Variants in COL26A1 observed in about 807,000 individuals in gnomAD.
COL26A1 encodes collagen alpha-1(XXVI) chain.
Under a neutral mutation model 59.3 loss-of-function variants are expected in COL26A1, and 41 were observed. That is an observed-to-expected ratio of 0.69 (90% CI 0.54 to 0.90). The LOEUF is 0.90. COL26A1 is among the 40% of genes least tolerant of loss of function. The probability of loss-of-function intolerance (pLI) is 0.00; values close to 1 mark genes in which losing one functional copy is unlikely to be tolerated. For missense variants in COL26A1, 612 were observed against 602.3 expected (o/e 1.02, Z -0.17); for synonymous variants, 266 against 256.0 (o/e 1.04, Z -0.37).
chr7:101,525,527 C>T (rs1795226586), intron 3 of COL26A1, among the ~76,000 whole-genome samples: 1 of 124,372 alleles, frequency 8.0e-6, no homozygotes, highest in Non-Finnish European at 1.7e-5. Flanking sequence ...GATGGAGTCT[C>T]TCTCTGTCAC....
At position 101,557,370 on chromosome 7, in the gene COL26A1, A is replaced by G. The variant is rs373219036; in HGVS notation, c.1166A>G (p.Asp389Gly). Reference protein sequence around the residue: ...LILEHMIGIHDPLASPEGGSG... With the variant: ...LILEHMIGIHGPLASPEGGSG... Reference sequence around the variant, plus strand: ...GTCCACCCTCCTGCTCTCCTTCCAGATCCCCTGGCCTCCCCAGAGGGAGGT... The same window carrying G: ...GTCCACCCTCCTGCTCTCCTTCCAGGTCCCCTGGCCTCCCCAGAGGGAGGT... Residue 389 changes from aspartate to glycine, a missense_variant and splice_region_variant, in exon 13 of 13, where the codon GAT (aspartate) becomes GGT (glycine). Transcript: ENST00000313669. 1.9e-6 allele frequency: 3 copies of G among 1,611,632 alleles called. No individual in the cohort carries two copies. Among genetic ancestry groups the G allele is most frequent in the Non-Finnish European group, 1.7e-6 (2 of 1,178,220 alleles).
intron 3 of COL26A1, among the ~76,000 whole-genome samples, chr7:101,459,480 T>TTTTC (rs1238323418): frequency 2.7e-5 from 4 of 150,538 alleles, no homozygotes; most frequent in Non-Finnish European, 5.9e-5. Context: ...TTTTTTTTTT[T>TTTTC]TGTATTTTTA....
chr7:101,393,004 T>C (rs1330532998), intron 1 of COL26A1, among the ~76,000 whole-genome samples: 1 of 96,936 alleles, frequency 1.0e-5, no homozygotes, highest in African/African-American at 3.4e-5. Flanking sequence ...AAATGTTTTT[T>C]TGTTTTTTTT....
chr7:101,550,995 C>A, intron 9 of COL26A1, 113 bp from the exon 10 acceptor site: 1 of 1,231,288 alleles, frequency 8.1e-7, no homozygotes, highest in Non-Finnish European at 1.2e-6. Context: ...TCCTCCTCTC[C>A]CTTCCTCTTC....
chr7:101,463,691 T>C (rs1793674460), intron 3 of COL26A1, among the ~76,000 whole-genome samples: 1 of 87,158 alleles, frequency 1.1e-5, no homozygotes, highest in Non-Finnish European at 2.3e-5. Context: ...TCCCCTTTCT[T>C]TCTTTTTCTC....
chr7:101,366,285 G>A (rs1282540141), intron 1 of COL26A1, among the ~76,000 whole-genome samples: 3 of 152,136 alleles, frequency 2.0e-5, no homozygotes, highest in Admixed American at 1.3e-4. Flanking sequence ...TCTATCACAA[G>A]TGTCCCTTGT....
At chr7:101,549,289 A>C in intron 9 of COL26A1, 66 bp downstream of exon 9, 1 of 1,102,736 alleles carries the variant, frequency 9.1e-7, no homozygotes. Context: ...TTGTCTCCCT[A>C]GGGGAGAAGA....
chr7:101,481,431 A>G (rs1794151925), intron 3 of COL26A1, among the ~76,000 whole-genome samples: 1 of 140,132 alleles, frequency 7.1e-6, no homozygotes, highest in East Asian at 2.0e-4. Context: ...ATATATAATT[A>G]TATAGAATCT....
chr7:101,449,786 A>G (rs1391276169), intron 3 of COL26A1, among the ~76,000 whole-genome samples: 1 of 152,172 alleles, frequency 6.6e-6, no homozygotes, highest in Non-Finnish European at 1.5e-5. Context: ...CAGAGAATGT[A>G]TTAAAAACTA....
chr7:101,539,098 C>A (rs1026712004), intron 4 of COL26A1, among the ~76,000 whole-genome samples: 2 of 152,238 alleles, frequency 1.3e-5, no homozygotes, highest in African/African-American at 4.8e-5. Context: ...GGGTCTCAGC[C>A]ACCTTTGACT....
intron 3 of COL26A1, among the ~76,000 whole-genome samples, chr7:101,518,934 C>T (rs796636665): frequency 2.0e-5 from 3 of 152,280 alleles, no homozygotes; most frequent in African/African-American, 7.2e-5. Flanking sequence ...AACGGAGGGC[C>T]AAGAAGTACT....
chr7:101,387,189 G>T (rs552276077), intron 1 of COL26A1, among the ~76,000 whole-genome samples: 23 of 152,102 alleles, frequency 1.5e-4, no homozygotes, highest in Non-Finnish European at 2.9e-4. Context: ...CTTTCTTTCC[G>T]CTGGACCCGA....
At chr7:101,408,070 T>C (rs1164410101) in intron 1 of COL26A1, among the ~76,000 whole-genome samples, 1 of 152,202 alleles carries the variant, frequency 6.6e-6, no homozygotes. Flanking sequence ...TACCACTGGC[T>C]TGCCCTTGAA....
At chr7:101,551,190 G>T in intron 10 of COL26A1, 47 bp downstream of exon 10, 2 of 1,365,088 alleles carry the variant, frequency 1.5e-6, no homozygotes, top group Non-Finnish European at 2.0e-6. Context: ...CCAGGCAGAG[G>T]CTCTGATGCA....
chr7:101,543,768 A>G (rs185742301), intron 5 of COL26A1, among the ~76,000 whole-genome samples: 1 of 152,332 alleles, frequency 6.6e-6, no homozygotes, highest in East Asian at 1.9e-4. Flanking sequence ...CACATTGAAA[A>G]TGGGAACGAA....
rs12056194 is a variant in COL26A1, at chr7:101,489,688, T to C, written c.385+41901T>C. Among the ~76,000 whole-genome samples the C allele has an allele frequency of 5.2e-4, 7 of 13,404 alleles. 1 individual carries two copies. The highest frequency in any genetic ancestry group is 1.7e-3 in the East Asian group (1 of 602). The allele number at this position is 13,404 out of a possible 152,430, so 8.8% of individuals were successfully genotyped here. A position where few individuals can be genotyped will look rare whatever the true frequency, so the allele number is the denominator to read the frequency against. On this transcript the variant is annotated intron_variant, in intron 3 of 12. Coordinates refer to ENST00000313669, the MANE Select transcript of COL26A1 (RefSeq NM_001278563.3). ...TCCTTCCTTCCTTCCTTCCTTTCTT[T>C]CTTTCTTTCTGTCTTTCTTTCTTTC...
At chr7:101,552,830 A>C (rs1795887851) in intron 10 of COL26A1, among the ~76,000 whole-genome samples, 1 of 152,106 alleles carries the variant, frequency 6.6e-6, no homozygotes, top group Non-Finnish European at 1.5e-5. Context: ...TCGCTTGAAC[A>C]CAGGAGGCAG....
chr7:101,447,609 C>T, intron 2 of COL26A1, 75 bp from the exon 3 acceptor site: 3 of 1,041,264 alleles, frequency 2.9e-6, no homozygotes, highest in Non-Finnish European at 4.3e-6. Context: ...AACAGCCTGG[C>T]CCATCTTTGC....
intron 1 of COL26A1, among the ~76,000 whole-genome samples, chr7:101,391,716 G>A (rs571776539): frequency 1.1e-4 from 16 of 152,116 alleles, no homozygotes; most frequent in Non-Finnish European, 1.9e-4. Flanking sequence ...CACCACGCCC[G>A]GCTAATTTTT....
Sources: allele counts gnomAD v4.1 joint callset (sites outside exome capture counted in the v4.1 genomes callset), GRCh38; gene constraint gnomAD v4.1.1; transcripts MANE v1.5; gene names NCBI Gene and HGNC (gene_info 2026-07-23, HGNC 2026-07-21).